RABGEF1: variants seen among roughly 807,000 people sequenced by gnomAD.
RABGEF1 encodes the protein rab5 GDP/GTP exchange factor.
Under a neutral mutation model 57.3 loss-of-function variants are expected in RABGEF1, and 26 were observed. The observed-to-expected ratio is 0.45, with a 90% CI of 0.33 to 0.63. The LOEUF (loss-of-function observed/expected upper bound fraction) is 0.63. RABGEF1 is among the 20% of genes least tolerant of loss of function. RABGEF1 has a pLI of 0.02. For missense variants in RABGEF1, 464 were observed against 607.6 expected, an observed-to-expected ratio of 0.76 and a Z score of 2.48; for synonymous variants, 185 against 210.7, an observed-to-expected ratio of 0.88 and a Z score of 1.06.
chr7:66,759,551 G>A (rs1254256508), intron 1 of RABGEF1, among the ~76,000 whole-genome samples: 1 of 151,662 alleles, frequency 6.6e-6, no homozygotes, highest in East Asian at 1.9e-4. Context: ...ATAAAGAAAG[G>A]AGGTTTAATT....
intron 3 of RABGEF1, among the ~76,000 whole-genome samples, chr7:66,777,800 A>AT (rs1407783412): frequency 6.6e-6 from 1 of 152,186 alleles, no homozygotes; most frequent in Non-Finnish European, 1.5e-5. Flanking sequence ...CATTAAAAAA[A>AT]TTAATTAATT....
At chr7:66,725,245 T>C (rs1796462412) in intron 2 of RABGEF1, among the ~76,000 whole-genome samples, 1 of 152,232 alleles carries the variant, frequency 6.6e-6, no homozygotes, top group South Asian at 2.1e-4. Context: ...ACATGTACAC[T>C]TTAATGACCT....
chr7:66,772,726 T>A (rs1298656015), intron 2 of RABGEF1, among the ~76,000 whole-genome samples: 1 of 151,912 alleles, frequency 6.6e-6, no homozygotes, highest in African/African-American at 2.4e-5. Context: ...CTGACCAACA[T>A]GGTGAAACCC....
Position 66,797,437 on chromosome 7 carries a change from A to G in RABGEF1, c.659A>G (p.Tyr220Cys). 1 of 1,611,848 alleles carries G rather than the reference A, an allele frequency of 6.2e-7. No individual in the cohort carries two copies. ...GAAAAGTACATCATGACTCGTCTCT[A>G]TAAATATGTATTCTGTCCAGAAACT... ...QIEKYIMTRLYKYVFCPETTD... is the reference protein window; with the variant it reads ...QIEKYIMTRLCKYVFCPETTD... The change falls in exon 6 of 9, where the codon TAT becomes TGT. Residue 220 changes from tyrosine (Y) to cysteine (C), a missense_variant. Coordinates refer to ENST00000284957, the MANE Select transcript of RABGEF1 (RefSeq NM_014504.3).
At chr7:66,776,445 C>T (rs565716310) in intron 3 of RABGEF1, among the ~76,000 whole-genome samples, 4 of 152,304 alleles carry the variant, frequency 2.6e-5, no homozygotes, top group East Asian at 3.9e-4. Context: ...GTAATCTCAG[C>T]GCTTTGGGAG....
chr7:66,782,908 A>T (rs1050488848), intron 3 of RABGEF1, among the ~76,000 whole-genome samples: 76 of 152,246 alleles, frequency 5.0e-4, no homozygotes, highest in Non-Finnish European at 9.4e-4. Context: ...GAGGCTTAGA[A>T]TGTGGTCAAA....
At chr7:66,766,661 T>C (rs4718399) in intron 1 of RABGEF1, among the ~76,000 whole-genome samples, 152,203 of 152,228 alleles carry the variant, frequency 1, 76,089 homozygotes, top group Middle Eastern at 1. Flanking sequence ...AAAGATCTGA[T>C]CTCTAAGGTA....
At chr7:66,749,599 G>A (rs1212307878) in intron 1 of RABGEF1, among the ~76,000 whole-genome samples, 1 of 152,004 alleles carries the variant, frequency 6.6e-6, no homozygotes, top group Non-Finnish European at 1.5e-5. Context: ...GGTATTAGAG[G>A]CTGCAGTGCA....
At chr7:66,712,113 T>C (rs554019984) in intron 1 of RABGEF1, 1 of 152,358 alleles carries the variant, frequency 6.6e-6, no homozygotes, top group East Asian at 1.9e-4. Context: ...CCAGCTTGCA[T>C]ATGTCTACAA....
rs549365680 is a variant in RABGEF1, at chr7:66,727,675, G to C, written c.-814-12321G>C. 2.5e-3 allele frequency among the ~76,000 whole-genome samples: 379 copies of C among 152,356 alleles called. 1 individual carries two copies. Among genetic ancestry groups the C allele is most frequent in the Non-Finnish European group, 4.0e-3 (270 of 68,028 alleles). ...AAGGCCGGCCCATGCTCCCAGCCAG[G>C]CTTCTCCAGGCCAGCCCCTCGCAGG... On this transcript the variant is annotated intron_variant and NMD_transcript_variant, in intron 2 of 9. Transcript: ENST00000607882.
the RABGEF1 span, among the ~76,000 whole-genome samples, chr7:66,663,439 G>A: frequency 2.6e-5 from 4 of 152,034 alleles, no homozygotes; most frequent in Non-Finnish European, 5.9e-5. Context: ...TTGGCTGGGC[G>A]TGGTGGTGGG....
intron 1 of RABGEF1, among the ~76,000 whole-genome samples, chr7:66,694,430 G>A (rs1321800077): frequency 6.6e-6 from 1 of 152,230 alleles, no homozygotes; most frequent in African/African-American, 2.4e-5. Flanking sequence ...GGAGTTGGAC[G>A]GAACATAAGG....
intron 2 of RABGEF1, among the ~76,000 whole-genome samples, chr7:66,713,161 A>T (rs1157839942): frequency 7.3e-5 from 8 of 109,682 alleles, no homozygotes; most frequent in East Asian, 5.3e-4. Context: ...TTTTTTTTTG[A>T]GACGTAGTCT....
chr7:66,675,888 A>G, the RABGEF1 span, among the ~76,000 whole-genome samples: 1 of 152,234 alleles, frequency 6.6e-6, no homozygotes, highest in African/African-American at 2.4e-5. Context: ...AAAGACTTCT[A>G]CACTGAAAAC....
chr7:66,668,760 G>A, the RABGEF1 span: 1 of 152,278 alleles, frequency 6.6e-6, no homozygotes, highest in Admixed American at 6.5e-5. Flanking sequence ...TTCTTCCCTG[G>A]AAGATCACCT....
chr7:66,735,430 T>C (rs1410064678), intron 2 of RABGEF1, among the ~76,000 whole-genome samples: 1 of 152,260 alleles, frequency 6.6e-6, no homozygotes, highest in South Asian at 2.1e-4. Context: ...CCTTTGCCTC[T>C]TAATAAATGT....
At chr7:66,692,275 C>G (rs1462924936) in intron 1 of RABGEF1, among the ~76,000 whole-genome samples, 1 of 152,204 alleles carries the variant, frequency 6.6e-6, no homozygotes, top group Non-Finnish European at 1.5e-5. Flanking sequence ...GCCTCTGCTG[C>G]TCATTAGCGG....
intron 1 of RABGEF1, among the ~76,000 whole-genome samples, chr7:66,698,176 A>G (rs1305917385): frequency 6.6e-6 from 1 of 151,452 alleles, no homozygotes; most frequent in East Asian, 2.0e-4. Context: ...CCCGCATTAG[A>G]CCATCATTTC....
At chr7:66,790,793 T>G (rs1469955833) in intron 4 of RABGEF1, among the ~76,000 whole-genome samples, 1 of 152,236 alleles carries the variant, frequency 6.6e-6, no homozygotes, top group Non-Finnish European at 1.5e-5. Context: ...TGTTCTCTGA[T>G]TTTTAGTACC....
Sources: allele counts gnomAD v4.1 joint callset (sites outside exome capture counted in the v4.1 genomes callset), GRCh38; gene constraint gnomAD v4.1.1; transcripts MANE v1.5; gene names NCBI Gene and HGNC (gene_info 2026-07-23, HGNC 2026-07-21).